The following PDE1C variants were observed in gnomAD, a reference collection of about 807,000 sequenced individuals.
PDE1C encodes the protein phosphodiesterase 1C.
Under a neutral mutation model 93.1 loss-of-function variants are expected in PDE1C, and 62 were observed. The ratio of observed to expected loss-of-function variants is 0.67; its 90% confidence interval spans 0.54 to 0.82. The LOEUF is 0.82. Among genes scored for constraint, PDE1C ranks in the 40% least tolerant of loss-of-function variants. The pLI, the probability that PDE1C is intolerant of heterozygous loss-of-function variation, is 0.00. For synonymous variants in PDE1C, 325 were observed against 310.1 expected (o/e 1.05, Z -0.50); for missense variants, 742 against 884.6 (o/e 0.84, Z 2.04).
intron 16 of PDE1C, chr7:31,790,144 G>C (rs981463703): frequency 6.3e-7 from 1 of 1,596,000 alleles, no homozygotes; most frequent in Admixed American, 1.8e-5. Flanking sequence ...ACCTTCTCCA[G>C]ATATGGGTCT....
At chr7:32,102,502 C>T (rs1487417209) in intron 3 of PDE1C, among the ~76,000 whole-genome samples, 2 of 152,214 alleles carry the variant, frequency 1.3e-5, no homozygotes, top group Non-Finnish European at 2.9e-5. Context: ...AGGGTTGTTA[C>T]AAGAATGAGG....
chr7:32,051,082 T>A (rs1793290035), intron 2 of PDE1C, among the ~76,000 whole-genome samples: 1 of 152,154 alleles, frequency 6.6e-6, no homozygotes, highest in Non-Finnish European at 1.5e-5. Context: ...CTTTCCACAG[T>A]CAAATCGAAA....
intron 2 of PDE1C, among the ~76,000 whole-genome samples, chr7:31,994,829 G>A (rs1262004808): frequency 6.6e-6 from 1 of 152,168 alleles, no homozygotes; most frequent in African/African-American, 2.4e-5. Context: ...TAGAATATCT[G>A]TTCAGTTACC....
At chr7:31,839,192 A>G (rs149635373) in intron 9 of PDE1C, among the ~76,000 whole-genome samples, 3,143 of 149,318 alleles carry the variant, frequency 0.021, 47 homozygotes, top group South Asian at 0.048. Context: ...ACGTATGTAT[A>G]CATACATACA....
intron 2 of PDE1C, among the ~76,000 whole-genome samples, chr7:32,018,982 T>C (rs983151271): frequency 1.4e-4 from 21 of 151,822 alleles, no homozygotes; most frequent in African/African-American, 5.1e-4. Flanking sequence ...GATACAGTCA[T>C]GTTGCTATAT....
intron 2 of PDE1C, among the ~76,000 whole-genome samples, chr7:32,187,627 C>T (rs370673754): frequency 9.5e-5 from 14 of 147,392 alleles, no homozygotes; most frequent in African/African-American, 3.2e-4. Context: ...ACTTCTTTAA[C>T]GTAACAATTT....
intron 1 of PDE1C, 45 bp downstream of exon 1, chr7:32,070,248 A>G: frequency 3.1e-6 from 5 of 1,612,624 alleles, no homozygotes; most frequent in Non-Finnish European, 4.2e-6. Context: ...TAAAATAAGG[A>G]TGGGAGCGGG....
the PDE1C span, among the ~76,000 whole-genome samples, chr7:31,709,092 A>G: frequency 6.6e-6 from 1 of 152,228 alleles, no homozygotes; most frequent in Non-Finnish European, 1.5e-5. Context: ...CAGAAAACAC[A>G]GTCTCACTTC....
the PDE1C span, among the ~76,000 whole-genome samples, chr7:31,705,528 ATTGT>A: frequency 6.6e-6 from 1 of 152,222 alleles, no homozygotes; most frequent in Non-Finnish European, 1.5e-5. Context: ...GACTCTTGAA[ATTGT>A]TTTTCTCCTC....
intron 2 of PDE1C, among the ~76,000 whole-genome samples, chr7:31,884,043 G>C (rs2128884420): frequency 6.6e-6 from 1 of 152,268 alleles, no homozygotes; most frequent in East Asian, 1.9e-4. Context: ...TGCGTGGGAG[G>C]CACTAGAAAT....
At chr7:32,222,327 C>A (rs975656236) in intron 1 of PDE1C, among the ~76,000 whole-genome samples, 1 of 152,156 alleles carries the variant, frequency 6.6e-6, no homozygotes, top group Non-Finnish European at 1.5e-5. Context: ...GGGCAAGGAA[C>A]TTAGATGTTC....
At chr7:31,779,562 A>AGC (rs1783245763) in intron 16 of PDE1C, among the ~76,000 whole-genome samples, 1 of 152,236 alleles carries the variant, frequency 6.6e-6, no homozygotes, top group South Asian at 2.1e-4. Flanking sequence ...AAATGCTGTT[A>AGC]TTTTCTCTGT....
chr7:32,147,316 GA>G (rs1371981004), intron 3 of PDE1C, among the ~76,000 whole-genome samples: 1 of 141,084 alleles, frequency 7.1e-6, no homozygotes, highest in African/African-American at 2.9e-5. Flanking sequence ...AAGAAAGAAA[GA>G]AAGAAAGAAA....
the PDE1C span, among the ~76,000 whole-genome samples, chr7:31,619,638 G>A: frequency 0.023 from 3,451 of 152,114 alleles, 50 homozygotes; most frequent in Middle Eastern, 0.058. Context: ...CAAGATGGCC[G>A]AATAGGAACA....
At chr7:31,647,673 C>CAAA in the PDE1C span, among the ~76,000 whole-genome samples, 148 of 69,052 alleles carry the variant, frequency 2.1e-3, no homozygotes, top group Non-Finnish European at 3.2e-3. Flanking sequence ...GTCTCCGTCT[C>CAAA]AAAAAAAAAA....
the PDE1C span, chr7:31,643,499 C>G: frequency 1.2e-6 from 2 of 1,613,944 alleles, no homozygotes; most frequent in South Asian, 2.2e-5. Context: ...TCTGTAATGA[C>G]CCAGATGTCC....
the PDE1C span, among the ~76,000 whole-genome samples, chr7:31,688,058 T>C: frequency 6.6e-6 from 1 of 152,276 alleles, no homozygotes; most frequent in Non-Finnish European, 1.5e-5. Flanking sequence ...ATAATTCTGA[T>C]AGATCAATTT....
chr7:32,105,892 A>T (rs1303990861), intron 3 of PDE1C, among the ~76,000 whole-genome samples: 1 of 152,038 alleles, frequency 6.6e-6, no homozygotes, highest in Non-Finnish European at 1.5e-5. Context: ...TATATTAGAA[A>T]TTCTGCCCCA....
chr7:32,066,218 T>C (rs1795387913), intron 1 of PDE1C, among the ~76,000 whole-genome samples: 1 of 152,170 alleles, frequency 6.6e-6, no homozygotes, highest in Non-Finnish European at 1.5e-5. Context: ...GTGAATTCTG[T>C]GATTGGCCAG....
Sources: allele counts gnomAD v4.1 joint callset (sites outside exome capture counted in the v4.1 genomes callset), GRCh38; gene constraint gnomAD v4.1.1; transcripts MANE v1.5; gene names NCBI Gene and HGNC (gene_info 2026-07-23, HGNC 2026-07-21).